The following MTHFSD variants were observed in gnomAD, a reference collection of about 807,000 sequenced individuals.
The protein encoded by MTHFSD is methenyltetrahydrofolate synthase domain-containing protein.
In MTHFSD, 37 loss-of-function variants were observed where a neutral mutation model predicts 31.1. The ratio of observed to expected loss-of-function variants is 1.19; its 90% CI spans 0.91 to 1.56. The LOEUF (loss-of-function observed/expected upper bound fraction) is 1.56, where lower values mean the gene tolerates loss of function less well. MTHFSD is among the 40% of genes most tolerant of loss of function. MTHFSD has a pLI of 0.00. For missense variants in MTHFSD, 664 were observed against 510.1 expected (o/e 1.30, Z -2.91); for synonymous variants, 221 against 206.9 (o/e 1.07, Z -0.59).
intron 7 of MTHFSD, chr16:86,533,463 G>C (rs560129532): frequency 6.6e-5 from 10 of 152,224 alleles, no homozygotes; most frequent in Non-Finnish European, 1.2e-4. Flanking sequence ...ACATGAGCAT[G>C]GTCATCAAGA....
chr16:86,530,543 G>A lies in MTHFSD; in HGVS notation c.*1468C>T, dbSNP rs1384949780. The stretch of plus-strand genomic sequence containing the variant: ...TGCCGGTGGGGCAGGGAGTGGAGAA[G>A]GGGGGCTGACTCACTTGCTCTTCTC... On this transcript the variant is annotated 3_prime_UTR_variant, in exon 8 of 8. Coordinates refer to ENST00000360900, the MANE Select transcript of MTHFSD (RefSeq NM_001159377.2). 1 of 152,148 alleles carries A rather than the reference G, an allele frequency of 6.6e-6. No individual in the cohort carries two copies. Among genetic ancestry groups the A allele is most frequent in the African/African-American group, 2.4e-5 (1 of 41,416 alleles). The allele number at this position is 152,148 out of a possible 1,614,324, so 9.4% of individuals were successfully genotyped here. A position where few individuals can be genotyped will look rare whatever the true frequency, so the allele number is the denominator to read the frequency against.
chr16:86,548,223 G>A (rs1972612509), intron 4 of MTHFSD: 8 of 1,053,932 alleles, frequency 7.6e-6, no homozygotes, highest in Non-Finnish European at 1.0e-5. Context: ...TTACAATAAG[G>A]AATTTATAAT....
At position 86,530,822 on chromosome 16, in the gene MTHFSD, G is replaced by A. The variant is rs1193291513; in HGVS notation, c.*1189C>T. ...AAGGACACAGAGGGCCGAGGGCCCA[G>A]GGCCAGGTGTGGCGCTTCCAGACGT... is the stretch of plus-strand genomic sequence containing the variant. On this transcript the variant is annotated 3_prime_UTR_variant, in exon 8 of 8. Transcript: ENST00000360900. 3 of 152,228 alleles carry A rather than the reference G, an allele frequency of 2.0e-5. No homozygotes were observed. Among genetic ancestry groups the A allele is most frequent in the Non-Finnish European group, 4.4e-5 (3 of 68,046 alleles). 9.4% of individuals were successfully genotyped at this position (152,228 alleles called of 1,614,324 possible). A position where few individuals can be genotyped will look rare whatever the true frequency, so the allele number is the denominator to read the frequency against.
At chr16:86,535,552 A>G in intron 7 of MTHFSD, 1 of 976,574 alleles carries the variant, frequency 1.0e-6, no homozygotes, top group Non-Finnish European at 1.2e-6. Flanking sequence ...TTGTTACTCA[A>G]ACATGAGAAA....
intron 3 of MTHFSD, among the ~76,000 whole-genome samples, chr16:86,549,513 T>C (rs1268634915): frequency 6.6e-6 from 1 of 152,250 alleles, no homozygotes; most frequent in Non-Finnish European, 1.5e-5. Flanking sequence ...TGCGGCCTGC[T>C]GCTTTTCTGG....
Position 86,542,031 on chromosome 16 carries a change from T to C in MTHFSD, c.555+70A>G. ...AGCATGGTTCAGAAGCAGATGAGTC[T>C]CCTTCCCCACCCCCTGCTCCCTCAG... On this transcript the variant is annotated intron_variant, in intron 6 of 7. Transcript: ENST00000360900. This position sits in a 1 kb window ranked among gnomAD's most constrained non-coding sequence, Gnocchi z 4.6. 6.8e-7 allele frequency: 1 copy of C among 1,472,562 alleles called. No homozygotes were observed. 91.2% of individuals were successfully genotyped at this position (1,472,562 alleles called of 1,614,324 possible). A position where few individuals can be genotyped will look rare whatever the true frequency, so the allele number is the denominator to read the frequency against.
chr16:86,534,582 GT>G (rs1053987631), intron 7 of MTHFSD, among the ~76,000 whole-genome samples: 2 of 151,800 alleles, frequency 1.3e-5, no homozygotes, highest in Non-Finnish European at 2.9e-5. Context: ...AGGCTTTTGT[GT>G]TTTTTTTGAA....
Position 86,542,103 on chromosome 16 carries a change from G to A in MTHFSD, c.553C>T (p.Gln185Ter), listed in dbSNP as rs746954662. 5 of 1,612,896 alleles carry A rather than the reference G, an allele frequency of 3.1e-6. No individual in the cohort carries two copies. The highest frequency in any genetic ancestry group is 8.5e-7 in the Non-Finnish European group (1 of 1,179,464). Residue 185 changes from glutamine (Q) to a stop codon, truncating the protein, a stop_gained and splice_region_variant, in exon 6 of 8, where the codon CAG (glutamine) becomes TAG (stop). Transcript: ENST00000360900. LOFTEE classifies it high-confidence loss of function. This position sits in a 1 kb window ranked among gnomAD's most constrained non-coding sequence, Gnocchi z 4.6. ...CTCAGCCCATTCATAAGGAGCACCT[G>A]GCAGTCGTGGACGATGGTGACCACC... ...TPVVTIVHDC[Q>*]VVDIPEELVE... is the part of the protein sequence containing the mutation.
intron 5 of MTHFSD, 110 bp downstream of exon 5, chr16:86,546,449 G>A (rs530739524): frequency 8.6e-4 from 790 of 914,626 alleles, no homozygotes; most frequent in Admixed American, 2.2e-3. Flanking sequence ...CCAGGTAAGC[G>A]CATCCAGAAA....
At chr16:86,547,356 T>C (rs1377575964) in intron 4 of MTHFSD, 1 of 985,576 alleles carries the variant, frequency 1.0e-6, no homozygotes, top group African/African-American at 1.7e-5. Context: ...AAAAAGCCAT[T>C]TTCAGTCCCG....
In MTHFSD at chr16:86,552,050, G is replaced by C; in HGVS notation, c.220C>G (p.Arg74Gly). Reference sequence around the variant, plus strand: ...GGAATTACCTGCAGCACCAGCAGCCGAACGCCTTCCAGTGGTTTATCAGGG... The same window carrying C: ...GGAATTACCTGCAGCACCAGCAGCCCAACGCCTTCCAGTGGTTTATCAGGG... ...VDPDKPLEGV[R>G]LLVLQSKKTL... Residue 74 changes from arginine to glycine, a missense_variant, in exon 3 of 8, where the codon CGG becomes GGG. Arg to Gly is a moderately radical substitution (Grantham distance 125, BLOSUM62 -2). Transcript: ENST00000360900. The C allele has an allele frequency of 6.2e-7, 1 of 1,614,182 alleles. No individual in the cohort carries two copies. Among genetic ancestry groups the C allele is most frequent in the African/African-American group, 1.3e-5 (1 of 75,038 alleles).
Position 86,532,498 on chromosome 16 carries a change from T to C in MTHFSD, c.682-17A>G, listed in dbSNP as rs1970107020. On this transcript the variant is annotated splice_polypyrimidine_tract_variant and intron_variant, in intron 7 of 7. Transcript: ENST00000360900. The stretch of plus-strand genomic sequence containing the variant: ...CAGGCTGATCTGAAAAGCAAAGCAG[T>C]TGCAGCTCTTTCAGGGACAGAATCG... The C allele has an allele frequency of 1.6e-5, 22 of 1,387,964 alleles. No homozygotes were observed. The highest frequency in any genetic ancestry group is 3.4e-5 in the Admixed American group (1 of 29,326). 86.0% of individuals were successfully genotyped at this position (1,387,964 alleles called of 1,614,324 possible). A position where few individuals can be genotyped will look rare whatever the true frequency, so the allele number is the denominator to read the frequency against.
intron 1 of MTHFSD, 138 bp from the exon 2 acceptor site, chr16:86,554,889 GA>G (rs1973850881): frequency 1.2e-5 from 12 of 1,041,852 alleles, no homozygotes; most frequent in Non-Finnish European, 1.6e-5. Context: ...CAGTTTCCCC[GA>G]CCTCAAGGGG....
chr16:86,544,890 G>C (rs1416584927), intron 5 of MTHFSD, among the ~76,000 whole-genome samples: 1 of 152,224 alleles, frequency 6.6e-6, no homozygotes, highest in Non-Finnish European at 1.5e-5. Context: ...AAAGGAATGA[G>C]AGCATGTCCT....
chr16:86,534,948 C>T (rs1338397188), intron 7 of MTHFSD, among the ~76,000 whole-genome samples: 5 of 152,206 alleles, frequency 3.3e-5, no homozygotes, highest in Admixed American at 3.3e-4. Context: ...CCCCTCCCAT[C>T]TGTGTCCAGT....
intron 7 of MTHFSD, among the ~76,000 whole-genome samples, chr16:86,536,950 G>A (rs886384350): frequency 2.6e-5 from 4 of 152,178 alleles, no homozygotes; most frequent in African/African-American, 9.7e-5. Flanking sequence ...CCCTACACAC[G>A]TCTGTGCGTG....
At chr16:86,538,094 C>A (rs571257438) in intron 7 of MTHFSD, among the ~76,000 whole-genome samples, 1 of 152,210 alleles carries the variant, frequency 6.6e-6, no homozygotes, top group Non-Finnish European at 1.5e-5. Flanking sequence ...TGTGGGTGCC[C>A]GAGTGGCTTC....
At position 86,541,683 on chromosome 16, in the gene MTHFSD, C is replaced by G. The variant is rs748794577; in HGVS notation, c.681+14G>C. 48 of 1,610,552 alleles carry G rather than the reference C, an allele frequency of 3.0e-5. No individual in the cohort carries two copies. Among genetic ancestry groups the G allele is most frequent in the Non-Finnish European group, 3.9e-5 (46 of 1,178,598 alleles). On this transcript the variant is annotated intron_variant, in intron 7 of 7. Coordinates refer to ENST00000360900, the MANE Select transcript of MTHFSD (RefSeq NM_001159377.2). Reference sequence around the variant, plus strand: ...CTAAGCTACAGGCCAGAGCTGGCCACTGCCGTGACCCACCTTGAACCAGGT... The same window carrying G: ...CTAAGCTACAGGCCAGAGCTGGCCAGTGCCGTGACCCACCTTGAACCAGGT...
intron 3 of MTHFSD, among the ~76,000 whole-genome samples, chr16:86,549,254 C>T (rs1427655546): frequency 6.6e-6 from 1 of 152,228 alleles, no homozygotes; most frequent in African/African-American, 2.4e-5. Flanking sequence ...GATGAGCCTT[C>T]CAGTGACTCT....
Sources: gnomAD v4.1 joint callset for allele counts (sites outside exome capture counted in the v4.1 genomes callset) on GRCh38, gnomAD v4.1.1 for gene constraint, Gnocchi (gnomAD v3.1) non-coding constraint, MANE v1.5 for transcripts, NCBI Gene and HGNC (gene_info 2026-07-23, HGNC 2026-07-21) for gene names.